Variants in PARD3B observed in about 807,000 individuals in gnomAD.
PARD3B encodes the protein partitioning defective 3 homolog B.
In PARD3B, 103 loss-of-function variants were observed where a neutral mutation model predicts 130.2. The ratio of observed to expected loss-of-function variants is 0.79; its 90% confidence interval spans 0.67 to 0.93. PARD3B has a LOEUF of 0.93. PARD3B is among the 40% of genes least tolerant of loss of function. The pLI is 0.00. For synonymous variants in PARD3B, 583 were observed against 553.2 expected, an observed-to-expected ratio of 1.05 and a Z score of -0.76; for missense variants, 1,609 against 1,499.2, an observed-to-expected ratio of 1.07 and a Z score of -1.21.
chr2:204,921,526 G>C (rs1445075180), intron 2 of PARD3B, among the ~76,000 whole-genome samples: 1 of 148,768 alleles, frequency 6.7e-6, no homozygotes, highest in Non-Finnish European at 1.5e-5. Context: ...ATTAGAGTAG[G>C]GTGGAAGAAG....
chr2:205,426,723 A>G (rs930728129), intron 19 of PARD3B, among the ~76,000 whole-genome samples: 3 of 152,336 alleles, frequency 2.0e-5, no homozygotes, highest in South Asian at 4.1e-4. Flanking sequence ...TCTGCATGAG[A>G]CAAAATAAAT....
chr2:204,800,479 T>C (rs1289642902), intron 2 of PARD3B, among the ~76,000 whole-genome samples: 2 of 152,076 alleles, frequency 1.3e-5, no homozygotes, highest in African/African-American at 4.8e-5. Context: ...AAATGGATAA[T>C]AACAGAACTT....
chr2:205,349,928 T>G (rs1032384276), intron 18 of PARD3B, among the ~76,000 whole-genome samples: 1 of 151,630 alleles, frequency 6.6e-6, no homozygotes, highest in Non-Finnish European at 1.5e-5. Context: ...TAACCTGTAG[T>G]GTAAACACAC....
At chr2:204,697,962 C>T (rs1343427433) in intron 2 of PARD3B, among the ~76,000 whole-genome samples, 1 of 152,062 alleles carries the variant, frequency 6.6e-6, no homozygotes, top group Non-Finnish European at 1.5e-5. Context: ...GAAATTTTCT[C>T]CGAATTTTAT....
chr2:205,570,786 C>G (rs1444100900), intron 22 of PARD3B, among the ~76,000 whole-genome samples: 1 of 152,136 alleles, frequency 6.6e-6, no homozygotes, highest in African/African-American at 2.4e-5. Context: ...TGCTATCTTC[C>G]CAGCTTTGGA....
At chr2:205,493,992 C>G (rs964901991) in intron 20 of PARD3B, among the ~76,000 whole-genome samples, 2 of 151,908 alleles carry the variant, frequency 1.3e-5, no homozygotes, top group Non-Finnish European at 2.9e-5. Context: ...AACTCCTGAC[C>G]TCAGGTGATC....
chr2:204,857,824 C>A lies in PARD3B; in HGVS notation c.223-107328C>A, dbSNP rs1209335632. ...AAGAGCCAAGGGAAGGTGAGAATGG[C>A]CTTCCTGCTTCTGAAGTTTTCTCAA... On this transcript the variant is annotated intron_variant, in intron 2 of 22. Transcript: ENST00000406610. Among the ~76,000 whole-genome samples, 4 of 152,236 alleles carry A rather than the reference C, an allele frequency of 2.6e-5. 1 individual carries two copies. Among genetic ancestry groups the A allele is most frequent in the African/African-American group, 9.6e-5 (4 of 41,564 alleles).
chr2:204,641,965 A>ATTCCTTCTTCCCTTTC (rs2035092438), intron 1 of PARD3B, among the ~76,000 whole-genome samples: 1 of 152,212 alleles, frequency 6.6e-6, no homozygotes, highest in Non-Finnish European at 1.5e-5. Flanking sequence ...TTCTATTTAG[A>ATTCCTTCTTCCCTTTC]AATATTGAAA....
At chr2:204,951,526 G>C (rs942413347) in intron 2 of PARD3B, among the ~76,000 whole-genome samples, 5 of 152,010 alleles carry the variant, frequency 3.3e-5, no homozygotes, top group African/African-American at 1.2e-4. Flanking sequence ...ATATTGTTCT[G>C]GGTGCATATT....
Position 205,572,261 on chromosome 2 carries a change from T to C in PARD3B, c.3260+18858T>C, listed in dbSNP as rs1435794739. On this transcript the variant is annotated intron_variant, in intron 22 of 22. Coordinates refer to ENST00000406610, the MANE Select transcript of PARD3B (RefSeq NM_001302769.2). This position sits in a 1 kb window ranked among gnomAD's most constrained non-coding sequence, Gnocchi z 4.2. ...TATAGATTATTTCAGTCAAGTAGAA[T>C]AAGTGCTAAAATTTTATATGCATAA... Among the ~76,000 whole-genome samples the C allele has an allele frequency of 6.6e-6, 1 of 152,218 alleles. No individual in the cohort carries two copies. Among genetic ancestry groups the C allele is most frequent in the Non-Finnish European group, 1.5e-5 (1 of 68,042 alleles).
At chr2:205,365,632 A>G (rs563453033) in intron 18 of PARD3B, among the ~76,000 whole-genome samples, 2 of 148,130 alleles carry the variant, frequency 1.4e-5, no homozygotes, top group South Asian at 4.2e-4. Flanking sequence ...TCTTAATAAT[A>G]GTTTGCTTCC....
chr2:205,097,338 G>A (rs1323991968), intron 4 of PARD3B, among the ~76,000 whole-genome samples: 1 of 152,144 alleles, frequency 6.6e-6, no homozygotes, highest in Non-Finnish European at 1.5e-5. Flanking sequence ...ACACTGAACT[G>A]AGTATCAAGA....
At chr2:204,614,020 C>T (rs2034022084) in intron 1 of PARD3B, among the ~76,000 whole-genome samples, 1 of 151,744 alleles carries the variant, frequency 6.6e-6, no homozygotes, top group South Asian at 2.1e-4. Flanking sequence ...TTGTTGGGCC[C>T]CTTAAATGTC....
chr2:205,200,017 C>T (rs1574365804), intron 15 of PARD3B, among the ~76,000 whole-genome samples: 2 of 151,416 alleles, frequency 1.3e-5, no homozygotes, highest in Admixed American at 6.6e-5. Flanking sequence ...CAATGGAGTC[C>T]TTGAAATAAC....
At chr2:204,611,880 G>A (rs557507487) in intron 1 of PARD3B, among the ~76,000 whole-genome samples, 4 of 152,084 alleles carry the variant, frequency 2.6e-5, no homozygotes, top group Non-Finnish European at 4.4e-5. Flanking sequence ...GCAGGATATC[G>A]CAAAAATGAA....
chr2:205,418,027 G>A lies in PARD3B; in HGVS notation c.2741+16904G>A, dbSNP rs536900811. Among the ~76,000 whole-genome samples, 112 of 151,604 alleles carry A rather than the reference G, an allele frequency of 7.4e-4. 1 individual carries two copies. Among genetic ancestry groups the A allele is most frequent in the African/African-American group, 2.5e-3 (102 of 41,298 alleles). On this transcript the variant is annotated intron_variant, in intron 19 of 22. Coordinates refer to ENST00000406610, the MANE Select transcript of PARD3B (RefSeq NM_001302769.2). ...TCTTTCCTCATTTTTCATTTTTTAC[G>A]TTTTCTCATATGAAAGGTCACCTTT...
At chr2:205,318,041 A>G (rs1303957602) in intron 18 of PARD3B, among the ~76,000 whole-genome samples, 1 of 152,166 alleles carries the variant, frequency 6.6e-6, no homozygotes, top group Non-Finnish European at 1.5e-5. Flanking sequence ...TGGAGGGAAC[A>G]TCGACCAGAA....
chr2:204,565,870 T>G (rs1427060558), intron 1 of PARD3B, among the ~76,000 whole-genome samples: 3 of 152,222 alleles, frequency 2.0e-5, no homozygotes, highest in East Asian at 1.9e-4. Context: ...ACCACTGTAC[T>G]TCAGTATGCG....
chr2:204,953,088 A>G (rs942025790), intron 2 of PARD3B, among the ~76,000 whole-genome samples: 16 of 149,650 alleles, frequency 1.1e-4, no homozygotes, highest in Non-Finnish European at 2.2e-4. Flanking sequence ...AGAGAGAGAG[A>G]CAGAGTCAAT....
Sources: gnomAD v4.1 joint callset for allele counts (sites outside exome capture counted in the v4.1 genomes callset) on GRCh38, gnomAD v4.1.1 for gene constraint, Gnocchi (gnomAD v3.1) non-coding constraint, MANE v1.5 for transcripts, NCBI Gene and HGNC (gene_info 2026-07-23, HGNC 2026-07-21) for gene names.